AGAP2: variants seen among roughly 807,000 people sequenced by gnomAD.
AGAP2 encodes the protein ArfGAP with GTPase domain, ankyrin repeat and PH domain 2.
A neutral mutation model predicts 110.9 loss-of-function variants in AGAP2; 32 were observed. The observed-to-expected ratio is 0.29, with a 90% CI of 0.22 to 0.39. The LOEUF (loss-of-function observed/expected upper bound fraction) is 0.39. AGAP2 is among the 10% of genes least tolerant of loss of function. AGAP2 has a pLI of 1.00. For synonymous variants in AGAP2, 702 were observed against 713.0 expected (o/e 0.98, Z 0.25); for missense variants, 1,285 against 1,638.5 (o/e 0.78, Z 3.72).
In AGAP2 at chr12:57,726,778, G is replaced by T; in HGVS notation, c.3353C>A (p.Ala1118Glu). 1 of 1,360,426 alleles carries T rather than the reference G, an allele frequency of 7.4e-7. No individual in the cohort carries two copies. The allele number at this position is 1,360,426 out of a possible 1,614,324, so 84.3% of individuals were successfully genotyped here. The change falls in exon 19 of 19, where the codon GCG becomes GAG. Residue 1118 changes from alanine to glutamate, a missense_variant. Ala to Glu is a moderately radical substitution (Grantham distance 107, BLOSUM62 -1). Around this residue, in one of 7 missense-constraint regions of AGAP2, gnomAD observed 201 missense variants for 276.1 expected, o/e 0.73. Coordinates refer to ENST00000547588, the MANE Select transcript of AGAP2 (RefSeq NM_001122772.3). This position sits in a 1 kb window ranked among gnomAD's most constrained non-coding sequence, Gnocchi z 5.7. ...QLLLWYGADV[A>E]ARDAQGRTAL... ...CGTGCGGCCCTGGGCGTCACGGGCC[G>T]CCACGTCCGCGCCGTACTAGAGGGC...
chr12:57,741,803 T>C, upstream of AGAP2: 5 of 1,294,560 alleles, frequency 3.9e-6, no homozygotes, highest in Admixed American at 8.2e-5. Flanking sequence ...GAGTCCCATC[T>C]TGGGGACTAG....
chr12:57,726,656 G>T lies in AGAP2; in HGVS notation c.3475C>A (p.Pro1159Thr). 3 of 1,203,994 alleles carry T rather than the reference G, an allele frequency of 2.5e-6. No homozygotes were observed. In the East Asian group the frequency reaches 1.1e-4, roughly 44 times the overall value. The allele number at this position is 1,203,994 out of a possible 1,614,324, so 74.6% of individuals were successfully genotyped here. Residue 1159 changes from proline (P) to threonine (T), a missense_variant, in exon 19 of 19, where the codon CCC becomes ACC. Physicochemically the swap from Pro to Thr is conservative, Grantham distance 38. Coordinates refer to ENST00000547588, the MANE Select transcript of AGAP2 (RefSeq NM_001122772.3). This position sits in a 1 kb window ranked among gnomAD's most constrained non-coding sequence, Gnocchi z 5.7. Reference protein sequence around the residue: ...PGEGGSAATTPSAATTPSITA... With the variant: ...PGEGGSAATTTSAATTPSITA... The stretch of plus-strand genomic sequence containing the variant: ...ATGCTGGGCGTGGTGGCCGCGCTGG[G>T]CGTGGTGGCCGCGCTGCCGCCCTCA...
At position 57,737,285 on chromosome 12, in the gene AGAP2, A is replaced by T. The variant is rs1955001587; in HGVS notation, c.962T>A (p.Leu321Gln). Residue 321 changes from leucine (L) to glutamine (Q), a missense_variant, in exon 1 of 19, where the codon CTG (leucine) becomes CAG (glutamine). Physicochemically the swap from Leu to Gln is moderately radical, Grantham distance 113 (BLOSUM62 -2). Coordinates refer to ENST00000547588, the MANE Select transcript of AGAP2 (RefSeq NM_001122772.3). The surrounding 1 kb of genome is among the most constrained non-coding windows in gnomAD (Gnocchi z 5.9). ...QPPGPAPPIT[L>Q]EPPAPGLKRG... ...TTTCAGCCCCGGAGCTGGAGGCTCC[A>T]GAGTGATTGGAGGTGCAGGCCCGGG... 1 of 1,613,372 alleles carries T rather than the reference A, an allele frequency of 6.2e-7. No individual in the cohort carries two copies. Among genetic ancestry groups the T allele is most frequent in the African/African-American group, 1.3e-5 (1 of 74,934 alleles).
At chr12:57,734,919 GA>G (rs1478835980) in intron 2 of AGAP2, among the ~76,000 whole-genome samples, 4 of 151,864 alleles carry the variant, frequency 2.6e-5, no homozygotes, top group Non-Finnish European at 5.9e-5. Context: ...AGTGGAGCAC[GA>G]GCTGAAGAAT....
chr12:57,735,547 G>A (rs374323061), intron 1 of AGAP2, 120 bp from the exon 2 acceptor site: 9,627 of 912,074 alleles, frequency 0.011, 81 homozygotes, highest in Middle Eastern at 0.022. Flanking sequence ...CTGCACTGGA[G>A]AGGTGTGTGC....
chr12:57,728,203 G>A (rs1595082077), intron 14 of AGAP2, 115 bp downstream of exon 14: 1 of 1,515,770 alleles, frequency 6.6e-7, no homozygotes, highest in East Asian at 2.3e-5. Context: ...AGTGGGGGTA[G>A]GGAAAGCAGA....
chr12:57,725,656 G>A lies in AGAP2; in HGVS notation c.*896C>T. 6.6e-6 allele frequency: 1 copy of A among 152,186 alleles called. No homozygotes were observed. Among genetic ancestry groups the A allele is most frequent in the East Asian group, 1.9e-4 (1 of 5,154 alleles). 9.4% of individuals were successfully genotyped at this position (152,186 alleles called of 1,614,324 possible). On this transcript the variant is annotated 3_prime_UTR_variant, in exon 19 of 19. Coordinates refer to ENST00000547588, the MANE Select transcript of AGAP2 (RefSeq NM_001122772.3). ...ACGGGCGCTGCACAGTCACAGGTAC[G>A]CAGTCACGGTCACAGACACAACCCG...
intron 7 of AGAP2, 118 bp downstream of exon 7, chr12:57,732,285 C>A: frequency 3.1e-6 from 3 of 970,560 alleles, no homozygotes; most frequent in Non-Finnish European, 4.6e-6. Context: ...AGTTTCACTG[C>A]CATTTCCATC....
chr12:57,738,425 C>T lies in AGAP2; in HGVS notation c.-179G>A. On this transcript the variant is annotated 5_prime_UTR_variant, in exon 1 of 19. The change creates a new upstream start codon in the 5' untranslated region. Transcript: ENST00000547588. This position sits in a 1 kb window ranked among gnomAD's most constrained non-coding sequence, Gnocchi z 6.7. ...CTCCGCTTGCGCCCCCCTCCCATCA[C>T]ATGGGGCGCCCCCTCCCCATGCTCC... 3.6e-6 allele frequency: 2 copies of T among 554,560 alleles called. No individual in the cohort carries two copies. Among genetic ancestry groups the T allele is most frequent in the Non-Finnish European group, 4.6e-6 (2 of 435,880 alleles). 34.4% of individuals were successfully genotyped at this position (554,560 alleles called of 1,614,324 possible).
downstream of AGAP2, chr12:57,723,832 G>A (rs931400575): frequency 1.3e-5 from 2 of 152,192 alleles, no homozygotes; most frequent in Middle Eastern, 3.2e-3. Flanking sequence ...GAAATGAAAG[G>A]AACTTCCCAC....
Position 57,731,452 on chromosome 12 carries a change from T to C in AGAP2, c.2059A>G (p.Ser687Gly). 6.2e-7 allele frequency: 1 copy of C among 1,614,156 alleles called. No individual in the cohort carries two copies. The highest frequency in any genetic ancestry group is 1.1e-5 in the South Asian group (1 of 91,088). The stretch of plus-strand genomic sequence containing the variant: ...CATTCTTTGTTCAAGGAATTGCCAC[T>C]TCGTTTTAGTAGGAAGCTCTGGAGA... ...PIKQSFLLKR[S>G]GNSLNKEWKK... The change falls in exon 10 of 19, where the codon AGT (serine) becomes GGT (glycine). Residue 687 changes from serine to glycine, a missense_variant. Transcript: ENST00000547588.
At chr12:57,735,467 C>T (rs866132584) in intron 1 of AGAP2, 40 bp from the exon 2 acceptor site, 5 of 1,593,520 alleles carry the variant, frequency 3.1e-6, no homozygotes, top group Middle Eastern at 1.8e-4. Context: ...AGGCTCCTGG[C>T]TCAGAAGGAC....
chr12:57,734,852 T>G (rs1482824601), intron 2 of AGAP2, among the ~76,000 whole-genome samples, 173 bp from the exon 3 acceptor site: 1 of 151,856 alleles, frequency 6.6e-6, no homozygotes, highest in Non-Finnish European at 1.5e-5. Context: ...GCTGGGGGGA[T>G]CAGAGCAGTT....
chr12:57,726,627 G>A lies in AGAP2; in HGVS notation c.3504C>T (p.Thr1168=), dbSNP rs1349273600. The A allele has an allele frequency of 2.5e-6, 3 of 1,199,788 alleles. No individual in the cohort carries two copies. Among genetic ancestry groups the A allele is most frequent in the African/African-American group, 3.2e-5 (2 of 62,858 alleles). The allele number at this position is 1,199,788 out of a possible 1,614,324, so 74.3% of individuals were successfully genotyped here. ...TPSAATTPSI[T]ATPSPRRRSS... ...TCCGGCGGCGGGGGCTGGGCGTGGCGGTGATGCTGGGCGTGGTGGCCGCGC... is the reference window on the plus strand; with the variant it reads ...TCCGGCGGCGGGGGCTGGGCGTGGCAGTGATGCTGGGCGTGGTGGCCGCGC... The change falls in exon 19 of 19, where the codon ACC becomes ACT. Residue 1168 remains threonine (T), a synonymous_variant. Coordinates refer to ENST00000547588, the MANE Select transcript of AGAP2 (RefSeq NM_001122772.3). This position sits in a 1 kb window ranked among gnomAD's most constrained non-coding sequence, Gnocchi z 5.7.
chr12:57,734,516 C>T, intron 3 of AGAP2, 76 bp downstream of exon 3: 1 of 1,592,026 alleles, frequency 6.3e-7, no homozygotes, highest in South Asian at 1.1e-5. Flanking sequence ...CTGGTCTCCA[C>T]ACCTGCCTAA....
chr12:57,733,506 T>A (rs910103265), intron 5 of AGAP2, among the ~76,000 whole-genome samples: 4 of 152,148 alleles, frequency 2.6e-5, no homozygotes, highest in African/African-American at 9.7e-5. Context: ...TGGAAAAGCA[T>A]TTCCTGGCCC....
At chr12:57,729,955 G>A (rs1329346197) in intron 12 of AGAP2, among the ~76,000 whole-genome samples, 188 bp from the exon 13 acceptor site, 1 of 152,124 alleles carries the variant, frequency 6.6e-6, no homozygotes, top group Non-Finnish European at 1.5e-5. Context: ...AGTCAGTCCT[G>A]CACTCAGATC....
rs758614360 is a variant in AGAP2 at position 57,737,516 on chromosome 12, C to CCGG, written c.728_730dup (p.Ala243dup). On this transcript the variant is annotated inframe_insertion, in exon 1 of 19. Coordinates refer to ENST00000547588, the MANE Select transcript of AGAP2 (RefSeq NM_001122772.3). The surrounding 1 kb of genome is among the most constrained non-coding windows in gnomAD (Gnocchi z 5.9). ...GGTCGAAGCTGTAGAGCCCCCTCCC[C>CCGG]CGGCGGCGGCGGCGGTGGCGGCGGC... 13 of 1,580,040 alleles carry CCGG rather than the reference C, an allele frequency of 8.2e-6. No individual in the cohort carries two copies. The highest frequency in any genetic ancestry group is 2.7e-5 in the African/African-American group (2 of 74,334).
chr12:57,732,283 T>C (rs1273309923), intron 7 of AGAP2, 120 bp downstream of exon 7: 1 of 968,208 alleles, frequency 1.0e-6, no homozygotes, highest in Non-Finnish European at 1.5e-6. Flanking sequence ...ATAGTTTCAC[T>C]GCCATTTCCA....
Sources: allele counts gnomAD v4.1 joint callset (sites outside exome capture counted in the v4.1 genomes callset), GRCh38; gene constraint gnomAD v4.1.1; regional missense constraint gnomAD v4.1.1; non-coding constraint Gnocchi (gnomAD v3.1); transcripts MANE v1.5; gene names NCBI Gene and HGNC (gene_info 2026-07-23, HGNC 2026-07-21).